Variants in MMP26 observed in about 807,000 individuals in gnomAD.
MMP26 encodes matrix metalloproteinase-26.
In MMP26, 33 loss-of-function variants were observed where a neutral mutation model predicts 31.0. That is an observed-to-expected ratio of 1.06 (90% CI 0.81 to 1.42). The LOEUF (loss-of-function observed/expected upper bound fraction) is 1.42. Ranked by LOEUF, MMP26 falls within the 40% of genes most tolerant of loss-of-function variation. The pLI is 0.00. For missense variants in MMP26, 347 were observed against 316.1 expected (o/e 1.10, Z -0.74); for synonymous variants, 122 against 114.9 (o/e 1.06, Z -0.40).
chr11:4,859,807 A>T (rs776444542), intron 2 of MMP26: 18 of 471,358 alleles, frequency 3.8e-5, no homozygotes, highest in South Asian at 2.8e-4. Context: ...AGGAACATAG[A>T]AGAGGAGCAC....
chr11:4,827,407 TA>T (rs1849591306), intron 2 of MMP26, among the ~76,000 whole-genome samples: 2 of 152,102 alleles, frequency 1.3e-5, no homozygotes, highest in African/African-American at 4.8e-5. Flanking sequence ...TTCCTTTTTT[TA>T]AAAACTCCAA....
At chr11:4,797,084 A>G (rs1007389557) in intron 2 of MMP26, among the ~76,000 whole-genome samples, 1 of 152,116 alleles carries the variant, frequency 6.6e-6, no homozygotes, top group African/African-American at 2.4e-5. Context: ...TAAACTTGTC[A>G]TATTTAACAC....
At chr11:4,876,215 T>C (rs1359881726) in intron 2 of MMP26, 1 of 152,214 alleles carries the variant, frequency 6.6e-6, no homozygotes, top group African/African-American at 2.4e-5. Context: ...AAATACACAA[T>C]GTCAAATTCT....
intron 2 of MMP26, chr11:4,882,231 T>C: frequency 6.2e-7 from 1 of 1,614,056 alleles, no homozygotes; most frequent in South Asian, 1.1e-5. Context: ...GCTTTCTCCT[T>C]GCTGGAGTCC....
At chr11:4,769,152 G>T in intron 2 of MMP26, 2 of 1,613,546 alleles carry the variant, frequency 1.2e-6, no homozygotes. Flanking sequence ...CTCAGCATGT[G>T]GATGTAGAAG....
intron 2 of MMP26, chr11:4,908,989 T>A (rs1379510185): frequency 1.3e-5 from 2 of 152,260 alleles, no homozygotes; most frequent in Non-Finnish European, 2.9e-5. Context: ...GAGAACAAGA[T>A]CATTTAGCTG....
chr11:4,856,375 A>G (rs1431405494), intron 2 of MMP26, among the ~76,000 whole-genome samples: 1 of 152,230 alleles, frequency 6.6e-6, no homozygotes, highest in Non-Finnish European at 1.5e-5. Context: ...GGATGGAGGA[A>G]GATCTACCAA....
chr11:4,989,948 A>C (rs1157739998), intron 4 of MMP26, 80 bp downstream of exon 4: 1 of 1,149,230 alleles, frequency 8.7e-7, no homozygotes, highest in African/African-American at 1.5e-5. Flanking sequence ...TCCTGGAGGT[A>C]CCTCTACTCT....
intron 2 of MMP26, chr11:4,849,356 A>T: frequency 1.3e-6 from 1 of 745,554 alleles, no homozygotes; most frequent in Non-Finnish European, 2.2e-6. Context: ...ACACATATAC[A>T]CATTTCCTCC....
chr11:4,779,868 T>C lies in MMP26; in HGVS notation c.-145+12527T>C, dbSNP rs562757223. ...CTCCTTCAAGTCAAAACCTCCTCAATGGCAACCAGCCTCCTTACTGAAGCA... is the reference window on the plus strand; with the variant it reads ...CTCCTTCAAGTCAAAACCTCCTCAACGGCAACCAGCCTCCTTACTGAAGCA... On this transcript the variant is annotated intron_variant, in intron 2 of 7. Transcript: ENST00000380390. Among the ~76,000 whole-genome samples the C allele has an allele frequency of 6.6e-5, 10 of 152,278 alleles. No individual in the cohort carries two copies. In the South Asian group the frequency reaches 2.1e-3, roughly 32 times the overall value.
intron 2 of MMP26, among the ~76,000 whole-genome samples, chr11:4,802,678 A>C (rs79375489): frequency 0.025 from 3,785 of 152,322 alleles, 77 homozygotes; most frequent in Admixed American, 0.037. Context: ...AATATAATGA[A>C]AATGCCATAA....
intron 2 of MMP26, among the ~76,000 whole-genome samples, chr11:4,984,302 A>G (rs1466482670): frequency 1.3e-5 from 2 of 152,174 alleles, no homozygotes; most frequent in African/African-American, 4.8e-5. Flanking sequence ...AATGACCTCA[A>G]AGCCTCATTT....
chr11:4,969,256 A>G (rs1359475611), intron 2 of MMP26, among the ~76,000 whole-genome samples: 2 of 152,066 alleles, frequency 1.3e-5, no homozygotes, highest in Admixed American at 6.5e-5. Flanking sequence ...AATGAACTCA[A>G]GTATAAGTAA....
At chr11:4,933,490 G>A (rs1000754953) in intron 2 of MMP26, among the ~76,000 whole-genome samples, 5 of 147,424 alleles carry the variant, frequency 3.4e-5, no homozygotes, top group Non-Finnish European at 7.5e-5. Context: ...CAGAAAGATT[G>A]ATTTTTTTTT....
At chr11:4,943,325 C>T (rs1386761889) in intron 2 of MMP26, 1 of 332,376 alleles carries the variant, frequency 3.0e-6, no homozygotes, top group Non-Finnish European at 5.9e-6. Flanking sequence ...TAACATCTCT[C>T]AAGTGAAGTC....
In MMP26 at chr11:4,990,606, A is replaced by G; in HGVS notation, c.329A>G (p.Asn110Ser). 2 of 1,612,396 alleles carry G rather than the reference A, an allele frequency of 1.2e-6. No individual in the cohort carries two copies. Among genetic ancestry groups the G allele is most frequent in the Non-Finnish European group, 1.7e-6 (2 of 1,178,906 alleles). Residue 110 changes from asparagine to serine, a missense_variant, in exon 5 of 8, where the codon AAT (asparagine) becomes AGT (serine). Transcript: ENST00000380390. ...GAGATTGCTTTCCTCAGGATTATCA[A>G]TTACCCACATGATATGAAGCCATCC... ...NKHTLTYRII[N>S]YPHDMKPSAV...
chr11:4,988,861 GT>G (rs1405798530), intron 3 of MMP26, among the ~76,000 whole-genome samples: 3 of 152,142 alleles, frequency 2.0e-5, no homozygotes, highest in Non-Finnish European at 4.4e-5. Flanking sequence ...CTAATGTTTA[GT>G]CCAGAACAAT....
intron 2 of MMP26, among the ~76,000 whole-genome samples, chr11:4,895,080 C>T (rs1589931662): frequency 6.6e-6 from 1 of 152,032 alleles, no homozygotes; most frequent in Admixed American, 6.6e-5. Flanking sequence ...TGCATTTTCC[C>T]CAAGTACAGT....
At chr11:4,846,843 A>T (rs1589917939) in intron 2 of MMP26, among the ~76,000 whole-genome samples, 2 of 152,326 alleles carry the variant, frequency 1.3e-5, no homozygotes, top group Admixed American at 6.5e-5. Flanking sequence ...TTACTCTGTT[A>T]GTTAACTTTT....
Sources: allele counts gnomAD v4.1 joint callset (sites outside exome capture counted in the v4.1 genomes callset), GRCh38; gene constraint gnomAD v4.1.1; transcripts MANE v1.5; gene names NCBI Gene and HGNC (gene_info 2026-07-23, HGNC 2026-07-21).